The following TENM2 variants were observed in gnomAD, a reference collection of about 807,000 sequenced individuals.
The protein encoded by TENM2 is teneurin-2.
A neutral mutation model predicts 245.2 loss-of-function variants in TENM2; 52 were observed. That is an observed-to-expected ratio of 0.21 (90% CI 0.17 to 0.27). The LOEUF is 0.27. TENM2 is among the 10% of genes least tolerant of loss of function. TENM2 has a pLI of 1.00. For missense variants in TENM2, 3,046 were observed against 3,666.8 expected, an observed-to-expected ratio of 0.83 and a Z score of 4.37; for synonymous variants, 1,363 against 1,438.9, an observed-to-expected ratio of 0.95 and a Z score of 1.19.
At chr5:167,433,519 T>G (rs998460981) in intron 2 of TENM2, among the ~76,000 whole-genome samples, 3 of 152,174 alleles carry the variant, frequency 2.0e-5, no homozygotes, top group Non-Finnish European at 4.4e-5. Flanking sequence ...TGTTCTTGAT[T>G]TTTTTGAGCT....
At chr5:167,994,850 C>T (rs1304509405) in intron 5 of TENM2, among the ~76,000 whole-genome samples, 2 of 152,112 alleles carry the variant, frequency 1.3e-5, no homozygotes, top group African/African-American at 4.8e-5. Flanking sequence ...CTCAGAAAGG[C>T]GGAAGGATAT....
chr5:167,955,402 T>C (rs570645066), intron 4 of TENM2, among the ~76,000 whole-genome samples: 1 of 152,358 alleles, frequency 6.6e-6, no homozygotes, highest in Admixed American at 6.5e-5. Flanking sequence ...AAAAATTTTC[T>C]CCCATTCTAT....
intron 3 of TENM2, among the ~76,000 whole-genome samples, chr5:167,894,168 C>G (rs1406644815): frequency 1.3e-5 from 2 of 152,036 alleles, no homozygotes; most frequent in Non-Finnish European, 2.9e-5. Context: ...CCTGGCACAT[C>G]AAAAATCACA....
At chr5:167,564,076 T>C (rs1373289135) in intron 2 of TENM2, among the ~76,000 whole-genome samples, 1 of 152,196 alleles carries the variant, frequency 6.6e-6, no homozygotes, top group Non-Finnish European at 1.5e-5. Context: ...CTGACCCTCT[T>C]GAAGCTTACA....
At chr5:167,963,786 CT>C (rs139096535) in intron 4 of TENM2, among the ~76,000 whole-genome samples, 5,859 of 149,664 alleles carry the variant, frequency 0.039, 390 homozygotes, top group African/African-American at 0.13. Context: ...AACTATGCTG[CT>C]TTTTTTTTTC....
At chr5:167,976,678 T>C (rs1782466261) in intron 4 of TENM2, among the ~76,000 whole-genome samples, 1 of 152,224 alleles carries the variant, frequency 6.6e-6, no homozygotes, top group Non-Finnish European at 1.5e-5. Context: ...GCATAAACTT[T>C]TAAAATGAAT....
intron 1 of TENM2, among the ~76,000 whole-genome samples, chr5:167,374,643 A>G (rs1760635465): frequency 2.0e-5 from 3 of 152,088 alleles, no homozygotes; most frequent in African/African-American, 7.2e-5. Context: ...ACTCGTATTC[A>G]TTAGAGGGTT....
In TENM2 at chr5:168,091,526, A is replaced by C. The variant is rs149571904; in HGVS notation, c.1711+757A>C. Among the ~76,000 whole-genome samples the C allele has an allele frequency of 3.5e-3, 529 of 152,342 alleles. 1 individual carries two copies. The highest frequency in any genetic ancestry group is 0.012 in the African/African-American group (504 of 41,576). ...ATGTTAACAAGCAAAGAAGCTGCAG[A>C]TATTTTCATTAAAGTTATGTTATTG... On this transcript the variant is annotated intron_variant, in intron 8 of 28. Coordinates refer to ENST00000518659, the Ensembl canonical transcript of TENM2.
At chr5:167,254,949 G>C in the TENM2 span, among the ~76,000 whole-genome samples, 1 of 152,040 alleles carries the variant, frequency 6.6e-6, no homozygotes, top group African/African-American at 2.4e-5. Context: ...GTCTGAAGGT[G>C]TGATAACAGG....
At chr5:168,245,513 T>C (rs541592930) in intron 26 of TENM2, among the ~76,000 whole-genome samples, 1 of 150,776 alleles carries the variant, frequency 6.6e-6, no homozygotes, top group Non-Finnish European at 1.5e-5. Context: ...TGATTCCCTG[T>C]GTCTGAAAGT....
intron 2 of TENM2, among the ~76,000 whole-genome samples, chr5:167,685,642 A>G (rs1175017147): frequency 6.6e-6 from 1 of 152,110 alleles, no homozygotes; most frequent in African/African-American, 2.4e-5. Flanking sequence ...GAAGTGCAAA[A>G]TCTTTTTATA....
chr5:167,943,652 T>G (rs1779369256), intron 3 of TENM2, among the ~76,000 whole-genome samples: 1 of 152,224 alleles, frequency 6.6e-6, no homozygotes, highest in East Asian at 1.9e-4. Flanking sequence ...TGCAATTCTC[T>G]GCCTGGGAAA....
At chr5:167,062,191 G>A in the TENM2 span, among the ~76,000 whole-genome samples, 4 of 152,002 alleles carry the variant, frequency 2.6e-5, no homozygotes, top group Admixed American at 2.6e-4. Context: ...AATTCCTCAA[G>A]TGTTTTCTCT....
At chr5:167,634,235 A>T (rs1779052222) in intron 2 of TENM2, among the ~76,000 whole-genome samples, 2 of 152,206 alleles carry the variant, frequency 1.3e-5, no homozygotes, top group Admixed American at 1.3e-4. Flanking sequence ...ATTCCAATAT[A>T]GCCCCAGGAA....
chr5:167,858,966 C>T (rs1340836713), intron 2 of TENM2, among the ~76,000 whole-genome samples: 8 of 143,502 alleles, frequency 5.6e-5, no homozygotes, highest in African/African-American at 2.1e-4. Context: ...TCTGCCTGGC[C>T]GCCCATCGTC....
the TENM2 span, among the ~76,000 whole-genome samples, chr5:167,083,935 T>G: frequency 6.6e-6 from 1 of 152,110 alleles, no homozygotes; most frequent in Non-Finnish European, 1.5e-5. Flanking sequence ...AAGTTAAGGA[T>G]GTCAAGGTAA....
the TENM2 span, among the ~76,000 whole-genome samples, chr5:167,020,722 G>C: frequency 6.6e-6 from 1 of 152,202 alleles, no homozygotes; most frequent in African/African-American, 2.4e-5. Context: ...GGTTTGCCCA[G>C]AGTTTCTTTG....
At chr5:167,061,878 G>A in the TENM2 span, among the ~76,000 whole-genome samples, 4 of 150,798 alleles carry the variant, frequency 2.7e-5, no homozygotes, top group African/African-American at 9.8e-5. Context: ...TCATTATCTC[G>A]TAGGCACAGC....
chr5:167,251,431 T>C, the TENM2 span, among the ~76,000 whole-genome samples: 6 of 152,146 alleles, frequency 3.9e-5, no homozygotes, highest in Non-Finnish European at 7.4e-5. Flanking sequence ...TGCTTATATA[T>C]CTATTATGCT....
Sources: gnomAD v4.1 joint callset for allele counts (sites outside exome capture counted in the v4.1 genomes callset) on GRCh38, gnomAD v4.1.1 for gene constraint, MANE v1.5 for transcripts, NCBI Gene and HGNC (gene_info 2026-07-23, HGNC 2026-07-21) for gene names.